The following ADGRB3 variants were observed in gnomAD, a reference collection of about 807,000 sequenced individuals.
ADGRB3 encodes the protein brain-specific angiogenesis inhibitor 3.
A neutral mutation model predicts 193.4 loss-of-function variants in ADGRB3; 37 were observed. That is an observed-to-expected ratio of 0.19 (90% CI 0.15 to 0.25). The LOEUF is 0.25. Among genes scored for constraint, ADGRB3 ranks in the 10% least tolerant of loss-of-function variants. The probability of loss-of-function intolerance (pLI) is 1.00; values close to 1 mark genes in which losing one functional copy is unlikely to be tolerated. For missense variants in ADGRB3, 1,637 were observed against 1,852.9 expected (o/e 0.88, Z 2.14); for synonymous variants, 690 against 644.2 (o/e 1.07, Z -1.08).
rs114106336 is a variant in ADGRB3 at position 68,964,474 on chromosome 6, G to T, written c.1525+7665G>T. On this transcript the variant is annotated intron_variant, in intron 8 of 31. Coordinates refer to ENST00000370598, the MANE Select transcript of ADGRB3 (RefSeq NM_001704.3). ...TCCAAATACTATCATTTCTACATAT[G>T]CTATGACCTAGAGAAGGCTAAGACT... 3.0e-3 allele frequency among the ~76,000 whole-genome samples: 452 copies of T among 152,200 alleles called. 1 individual carries two copies. The highest frequency in any genetic ancestry group is 0.011 in the African/African-American group (444 of 41,522).
intron 19 of ADGRB3, among the ~76,000 whole-genome samples, chr6:69,237,194 A>T (rs890667114): frequency 1.3e-5 from 2 of 152,040 alleles, no homozygotes; most frequent in African/African-American, 4.8e-5. Context: ...TATATTGTGT[A>T]CTGTATAATA....
rs779675158 is a variant in ADGRB3 at position 68,981,149 on chromosome 6, T to TA, written c.1734+5810dup. 3.6e-4 allele frequency among the ~76,000 whole-genome samples: 54 copies of TA among 151,744 alleles called. 5 individuals are homozygous for TA. Among genetic ancestry groups the TA allele is most frequent in the Non-Finnish European group, 6.6e-4 (45 of 67,716 alleles). On this transcript the variant is annotated intron_variant, in intron 10 of 31. Transcript: ENST00000370598. Reference sequence around the variant, plus strand: ...CTCCAAAATGTTGTGAGTACTCACTTACGGAATTCAAATAATCATTGCAGA... The same window carrying TA: ...CTCCAAAATGTTGTGAGTACTCACTTAACGGAATTCAAATAATCATTGCAGA...
intron 11 of ADGRB3, among the ~76,000 whole-genome samples, chr6:69,011,135 ATGTG>A (rs66675226): frequency 0.1 from 15,010 of 144,724 alleles, 786 homozygotes; most frequent in Non-Finnish European, 0.12. Context: ...ATACATATAT[ATGTG>A]TGTGTGTGTG....
At chr6:69,241,638 A>G (rs1397261709) in intron 20 of ADGRB3, among the ~76,000 whole-genome samples, 1 of 151,972 alleles carries the variant, frequency 6.6e-6, no homozygotes, top group Non-Finnish European at 1.5e-5. Flanking sequence ...TGAATATCAA[A>G]GACAAGATGA....
chr6:69,306,088 T>G (rs767709703), intron 20 of ADGRB3, among the ~76,000 whole-genome samples: 1 of 151,376 alleles, frequency 6.6e-6, no homozygotes, highest in Admixed American at 6.6e-5. Context: ...ATCCCTGGAT[T>G]TGGGTACCCA....
At chr6:69,025,689 T>C (rs1197223032) in intron 13 of ADGRB3, among the ~76,000 whole-genome samples, 1 of 152,084 alleles carries the variant, frequency 6.6e-6, no homozygotes, top group Non-Finnish European at 1.5e-5. Flanking sequence ...GGAAAAAAAA[T>C]ACAACAAAAA....
chr6:68,882,069 G>C (rs573020640), intron 3 of ADGRB3, among the ~76,000 whole-genome samples: 1 of 152,112 alleles, frequency 6.6e-6, no homozygotes, highest in South Asian at 2.1e-4. Flanking sequence ...AAGCTTTTAT[G>C]TTCTCTTAAA....
chr6:68,895,283 A>G (rs556825466), intron 3 of ADGRB3, among the ~76,000 whole-genome samples: 1 of 151,802 alleles, frequency 6.6e-6, no homozygotes, highest in Non-Finnish European at 1.5e-5. Flanking sequence ...TCTTTGAAAC[A>G]AGTCACACTG....
At chr6:68,792,465 TC>T in intron 3 of ADGRB3, among the ~76,000 whole-genome samples, 1 of 152,302 alleles carries the variant, frequency 6.6e-6, no homozygotes, top group African/African-American at 2.4e-5. Context: ...GCCTTTAAAT[TC>T]TGAGTAAGGC....
At position 69,024,920 on chromosome 6, in the gene ADGRB3, G is replaced by A. The variant is rs376353277; in HGVS notation, c.2107+6421G>A. Among the ~76,000 whole-genome samples, 28 of 151,884 alleles carry A rather than the reference G, an allele frequency of 1.8e-4. No homozygotes were observed. In the South Asian group the frequency reaches 4.2e-3, roughly 23 times the overall value. On this transcript the variant is annotated intron_variant, in intron 13 of 31. Coordinates refer to ENST00000370598, the MANE Select transcript of ADGRB3 (RefSeq NM_001704.3). Reference sequence around the variant, plus strand: ...ATCCTGGCTAACATGGCGAAACACCGTCTCTACTAAAAATACAAAAAATTA... The same window carrying A: ...ATCCTGGCTAACATGGCGAAACACCATCTCTACTAAAAATACAAAAAATTA...
intron 8 of ADGRB3, among the ~76,000 whole-genome samples, chr6:68,958,710 GTTA>G (rs957198649): frequency 4.4e-4 from 67 of 151,606 alleles, no homozygotes; most frequent in African/African-American, 1.5e-3. Context: ...ACACATTTTT[GTTA>G]TTATTAACAT....
At chr6:68,840,302 A>G (rs1422307248) in intron 3 of ADGRB3, among the ~76,000 whole-genome samples, 1 of 141,976 alleles carries the variant, frequency 7.0e-6, no homozygotes, top group African/African-American at 2.7e-5. Context: ...AGTAAAGAGG[A>G]CTTTGTCTTG....
intron 3 of ADGRB3, among the ~76,000 whole-genome samples, chr6:68,920,502 G>A (rs1767008057): frequency 9.1e-6 from 1 of 109,970 alleles, no homozygotes; most frequent in Admixed American, 1.2e-4. Context: ...CGGCGACAGA[G>A]ACTCTGTATC....
intron 17 of ADGRB3, among the ~76,000 whole-genome samples, chr6:69,132,867 A>T (rs988973993): frequency 7.2e-5 from 11 of 152,276 alleles, no homozygotes; most frequent in African/African-American, 2.6e-4. Flanking sequence ...TCTAGACACC[A>T]TTTATTAAAT....
In ADGRB3 at chr6:68,650,824, C is replaced by A. The variant is rs867522448; in HGVS notation, c.757+11392C>A. Among the ~76,000 whole-genome samples, 3 of 151,712 alleles carry A rather than the reference C, an allele frequency of 2.0e-5. No individual in the cohort carries two copies. The South Asian group carries it at 6.3e-4, about 32-fold the overall frequency. On this transcript the variant is annotated intron_variant, in intron 3 of 31. Transcript: ENST00000370598. ...GTTGCTTTTCACATCAAGAAAGGAG[C>A]CTGAGAGGAAAAGAAGTAACTGAAA...
At chr6:68,727,929 A>G (rs1007734707) in intron 3 of ADGRB3, among the ~76,000 whole-genome samples, 1 of 151,566 alleles carries the variant, frequency 6.6e-6, no homozygotes, top group Non-Finnish European at 1.5e-5. Flanking sequence ...ACCAGAGATG[A>G]CTGTTGAACT....
At chr6:68,862,797 C>T (rs1452276916) in intron 3 of ADGRB3, among the ~76,000 whole-genome samples, 1 of 152,066 alleles carries the variant, frequency 6.6e-6, no homozygotes, top group Non-Finnish European at 1.5e-5. Flanking sequence ...TAGCATTTAT[C>T]TTCTTCATAT....
intron 29 of ADGRB3, among the ~76,000 whole-genome samples, chr6:69,370,720 A>G (rs1769690232): frequency 6.6e-6 from 1 of 152,162 alleles, no homozygotes; most frequent in African/African-American, 2.4e-5. Context: ...TGCAAAGCTC[A>G]TGACTAATGT....
chr6:69,110,366 A>G (rs1230020385), intron 17 of ADGRB3, among the ~76,000 whole-genome samples: 1 of 152,186 alleles, frequency 6.6e-6, no homozygotes, highest in Admixed American at 6.5e-5. Context: ...CTATATTTTG[A>G]ACATAATATC....
Sources: gnomAD v4.1 joint callset for allele counts (sites outside exome capture counted in the v4.1 genomes callset) on GRCh38, gnomAD v4.1.1 for gene constraint, MANE v1.5 for transcripts, NCBI Gene and HGNC (gene_info 2026-07-23, HGNC 2026-07-21) for gene names.